The following ALDH1A1 variants were observed in gnomAD, a reference collection of about 807,000 sequenced individuals.
The protein encoded by ALDH1A1 is aldehyde dehydrogenase 1A1.
Under a neutral mutation model 62.1 loss-of-function variants are expected in ALDH1A1, and 19 were observed. The ratio of observed to expected loss-of-function variants is 0.31; its 90% CI spans 0.21 to 0.45. ALDH1A1 has a LOEUF of 0.45. Among genes scored for constraint, ALDH1A1 ranks in the 20% least tolerant of loss-of-function variants. The pLI, the probability that ALDH1A1 is intolerant of heterozygous loss-of-function variation, is 1.00. For synonymous variants in ALDH1A1, 231 were observed against 215.9 expected (o/e 1.07, Z -0.61); for missense variants, 521 against 607.1 (o/e 0.86, Z 1.49).
At chr9:72,940,339 C>T in intron 1 of ALDH1A1, 87 bp from the exon 2 acceptor site, 2 of 920,484 alleles carry the variant, frequency 2.2e-6, no homozygotes, top group Non-Finnish European at 3.5e-6. Flanking sequence ...TAAAGCATTT[C>T]ACCATGCCTA....
rs539236717 is a variant in ALDH1A1 at position 72,930,959 on chromosome 9, G to A, written c.232C>T (p.Arg78Cys). The A allele has an allele frequency of 7.4e-6, 12 of 1,613,964 alleles. No homozygotes were observed. In the East Asian group the frequency reaches 2.0e-4, roughly 27 times the overall value. Residue 78 changes from arginine (R) to cysteine (C), a missense_variant, in exon 3 of 13, where the codon CGT (arginine) becomes TGT (cysteine). Physicochemically the swap from Arg to Cys is radical, Grantham distance 180. Transcript: ENST00000297785. Reference protein sequence around the residue: ...RQAFQIGSPWRTMDASERGRL... With the variant: ...RQAFQIGSPWCTMDASERGRL... Reference sequence around the variant, plus strand: ...CCCCTCTCGGAAGCATCCATAGTACGCCACGGGGATCCAATCTGAAAAGCC... The same window carrying A: ...CCCCTCTCGGAAGCATCCATAGTACACCACGGGGATCCAATCTGAAAAGCC...
chr9:72,901,262 A>C lies in ALDH1A1; in HGVS notation c.1452T>G (p.His484Gln). The C allele has an allele frequency of 6.2e-7, 1 of 1,609,438 alleles. No individual in the cohort carries two copies. The highest frequency in any genetic ancestry group is 8.5e-7 in the Non-Finnish European group (1 of 1,177,696). Residue 484 changes from histidine to glutamine, a missense_variant, in exon 13 of 13, where the codon CAT (histidine) becomes CAG (glutamine). Coordinates refer to ENST00000297785, the MANE Select transcript of ALDH1A1 (RefSeq NM_000689.5). ...TGACTGTTTTGACCTCTGTATATTC[A>C]TGGAAACCGTACTCTCCCCTAGAGA... ...NGRELGEYGFHEYTEVKTVTV... is the reference protein window; with the variant it reads ...NGRELGEYGFQEYTEVKTVTV...
chr9:72,902,617 C>T (rs1051959378), intron 12 of ALDH1A1, among the ~76,000 whole-genome samples: 2 of 151,920 alleles, frequency 1.3e-5, no homozygotes, highest in African/African-American at 4.8e-5. Context: ...TGACTTTCGC[C>T]AATAGGCTTT....
chr9:72,903,568 G>A (rs1244076859), intron 12 of ALDH1A1, among the ~76,000 whole-genome samples: 3 of 150,974 alleles, frequency 2.0e-5, no homozygotes, highest in Non-Finnish European at 4.4e-5. Context: ...TTGGTTTCAG[G>A]TACACTTTAA....
At chr9:72,915,875 C>T (rs1368656028) in intron 9 of ALDH1A1, among the ~76,000 whole-genome samples, 2 of 152,306 alleles carry the variant, frequency 1.3e-5, no homozygotes, top group Admixed American at 1.3e-4. Context: ...ATTGAATTTA[C>T]TTTTGGCTTA....
chr9:72,934,996 G>T (rs1404033433), intron 2 of ALDH1A1, among the ~76,000 whole-genome samples: 2 of 152,100 alleles, frequency 1.3e-5, no homozygotes, highest in African/African-American at 4.8e-5. Context: ...TCTACAATGG[G>T]CAATAAATAA....
chr9:72,916,876 A>T, intron 9 of ALDH1A1, 44 bp downstream of exon 9: 1 of 1,481,400 alleles, frequency 6.8e-7, no homozygotes, highest in Non-Finnish European at 9.1e-7. Context: ...AGGATACTTT[A>T]TTCCTGTGCC....
intron 3 of ALDH1A1, among the ~76,000 whole-genome samples, chr9:72,929,651 T>C (rs1193120988): frequency 6.6e-6 from 1 of 152,212 alleles, no homozygotes; most frequent in Non-Finnish European, 1.5e-5. Flanking sequence ...AGATGACCTA[T>C]CTCCCCTTTG....
chr9:72,929,169 A>C lies in ALDH1A1; in HGVS notation c.313-148T>G, dbSNP rs1029985094. On this transcript the variant is annotated intron_variant, in intron 3 of 12. Coordinates refer to ENST00000297785, the MANE Select transcript of ALDH1A1 (RefSeq NM_000689.5). Reference sequence around the variant, plus strand: ...GTCTAACCTCCACTTTTTAAGAGTTAAAATGACTTCCTTTAGGTCAAATAG... The same window carrying C: ...GTCTAACCTCCACTTTTTAAGAGTTCAAATGACTTCCTTTAGGTCAAATAG... The C allele has an allele frequency of 5.1e-5, 45 of 875,320 alleles. 1 individual carries two copies. Among genetic ancestry groups the C allele is most frequent in the Non-Finnish European group, 7.2e-5 (43 of 593,594 alleles). The allele number at this position is 875,320 out of a possible 1,614,324, so 54.2% of individuals were successfully genotyped here. A position where few individuals can be genotyped will look rare whatever the true frequency, so the allele number is the denominator to read the frequency against.
intron 10 of ALDH1A1, 135 bp downstream of exon 10, chr9:72,911,822 TC>T: frequency 9.6e-7 from 1 of 1,038,888 alleles, no homozygotes; most frequent in South Asian, 1.5e-5. Flanking sequence ...TAAACCTCTA[TC>T]AAGAACAGAA....
At position 72,917,085 on chromosome 9, in the gene ALDH1A1, A is replaced by C; in HGVS notation, c.870T>G (p.Phe290Leu). 6.2e-7 allele frequency: 1 copy of C among 1,604,754 alleles called. No homozygotes were observed. The highest frequency in any genetic ancestry group is 1.7e-4 in the Middle Eastern group (1 of 6,034). Residue 290 changes from phenylalanine (F) to leucine (L), a missense_variant, in exon 9 of 13, where the codon TTT (phenylalanine) becomes TTG (leucine). By Grantham distance (22) the Phe-to-Leu change is conservative (BLOSUM62 0). Transcript: ENST00000297785. Reference protein sequence around the residue: ...ADADLDNAVEFAHHGVFYHQG... With the variant: ...ADADLDNAVELAHHGVFYHQG... ...GGTGGTAGAATACCCCATGGTGTGC[A>C]AATTCAACAGCATTGTCCACTGCGA...
chr9:72,915,550 A>C (rs1300866837), intron 9 of ALDH1A1, among the ~76,000 whole-genome samples: 1 of 152,224 alleles, frequency 6.6e-6, no homozygotes, highest in Non-Finnish European at 1.5e-5. Context: ...CAAATATGAA[A>C]AAAAGGGCAA....
intron 9 of ALDH1A1, among the ~76,000 whole-genome samples, chr9:72,916,676 C>T (rs920470086): frequency 6.6e-6 from 1 of 152,110 alleles, no homozygotes; most frequent in Non-Finnish European, 1.5e-5. Context: ...GTTATTTTTC[C>T]TCATGTCTTT....
intron 7 of ALDH1A1, among the ~76,000 whole-genome samples, chr9:72,923,265 C>T (rs990999136): frequency 6.6e-6 from 1 of 152,176 alleles, no homozygotes; most frequent in African/African-American, 2.4e-5. Context: ...TGGAGTGAAG[C>T]TCACTCTTCA....
intron 7 of ALDH1A1, 33 bp from the exon 8 acceptor site, chr9:72,918,855 C>T (rs1447837339): frequency 6.6e-7 from 1 of 1,507,314 alleles, no homozygotes; most frequent in Non-Finnish European, 9.2e-7. Flanking sequence ...AGGAGGCTTA[C>T]CCTGCTCTCA....
chr9:72,909,830 T>A, intron 10 of ALDH1A1, 71 bp from the exon 11 acceptor site: 1 of 1,345,124 alleles, frequency 7.4e-7, no homozygotes, highest in Non-Finnish European at 1.0e-6. Flanking sequence ...ATCGTAGATT[T>A]TTTTTCCTAC....
chr9:72,930,016 C>T (rs4237253), intron 3 of ALDH1A1, among the ~76,000 whole-genome samples: 62,778 of 151,948 alleles, frequency 0.41, 14,591 homozygotes, highest in Non-Finnish European at 0.5. Context: ...AATAAATGGT[C>T]CTTTGATTAA....
intron 1 of ALDH1A1, among the ~76,000 whole-genome samples, chr9:72,950,168 T>C (rs1321063975): frequency 1.3e-5 from 2 of 151,924 alleles, no homozygotes; most frequent in Non-Finnish European, 2.9e-5. Context: ...TGTCCAGGCA[T>C]TATTTCAAGG....
intron 3 of ALDH1A1, among the ~76,000 whole-genome samples, chr9:72,930,245 A>G (rs1245447628): frequency 6.6e-6 from 1 of 152,202 alleles, no homozygotes; most frequent in Non-Finnish European, 1.5e-5. Flanking sequence ...TCTAACTGCT[A>G]AAACATAAAC....
Sources: allele counts gnomAD v4.1 joint callset (sites outside exome capture counted in the v4.1 genomes callset), GRCh38; gene constraint gnomAD v4.1.1; transcripts MANE v1.5; gene names NCBI Gene and HGNC (gene_info 2026-07-23, HGNC 2026-07-21).